The following CHD5 variants were observed in gnomAD, a reference collection of about 807,000 sequenced individuals.
CHD5 encodes chromodomain helicase DNA binding protein 5.
In CHD5, 69 loss-of-function variants were observed where a neutral mutation model predicts 230.3. That is an observed-to-expected ratio of 0.30 (90% CI 0.25 to 0.37). The LOEUF (loss-of-function observed/expected upper bound fraction) is 0.37, where lower values mean the gene tolerates loss of function less well. Ranked by LOEUF, CHD5 falls within the 10% of genes least tolerant of loss-of-function variation. The pLI is 1.00. For synonymous variants in CHD5, 1,064 were observed against 1,065.9 expected (o/e 1.00, Z 0.03); for missense variants, 1,827 against 2,622.8 (o/e 0.70, Z 6.63).
chr1:6,119,219 C>T (rs1666426645), intron 33 of CHD5, among the ~76,000 whole-genome samples: 1 of 152,056 alleles, frequency 6.6e-6, no homozygotes, highest in African/African-American at 2.4e-5. Flanking sequence ...CGACCTCAGC[C>T]TCCCAAGTAG....
At chr1:6,124,235 C>T in intron 30 of CHD5, 128 bp from the exon 31 acceptor site, 2 of 908,298 alleles carry the variant, frequency 2.2e-6, no homozygotes, top group South Asian at 3.5e-5. Flanking sequence ...TACCTCCGCC[C>T]AAGGCTGGCC....
At chr1:6,133,112 A>C (rs193083494) in intron 20 of CHD5, among the ~76,000 whole-genome samples, 17 of 152,090 alleles carry the variant, frequency 1.1e-4, no homozygotes, top group Non-Finnish European at 2.2e-4. Flanking sequence ...CTCAGCATTC[A>C]CTTTTGTATG....
Position 6,155,583 on chromosome 1 carries a change from C to T in CHD5, c.506+16G>A. 6.2e-7 allele frequency: 1 copy of T among 1,602,700 alleles called. No individual in the cohort carries two copies. The highest frequency in any genetic ancestry group is 8.5e-7 in the Non-Finnish European group (1 of 1,169,718). On this transcript the variant is annotated intron_variant, in intron 4 of 41. Coordinates refer to ENST00000262450, the MANE Select transcript of CHD5 (RefSeq NM_015557.3). This position sits in a 1 kb window ranked among gnomAD's most constrained non-coding sequence, Gnocchi z 4.0. ...GGATGTGCGGGCCTGGAGAACAGCCCTAGTGCCCCGCCCACCTGAGGAACT... is the reference window on the plus strand; with the variant it reads ...GGATGTGCGGGCCTGGAGAACAGCCTTAGTGCCCCGCCCACCTGAGGAACT...
intron 2 of CHD5, among the ~76,000 whole-genome samples, chr1:6,162,094 C>T (rs976600065): frequency 6.6e-6 from 1 of 151,952 alleles, no homozygotes; most frequent in Admixed American, 6.5e-5. Context: ...TAAGAAAATG[C>T]CTTGAGGCTG....
chr1:6,135,209 CG>C lies in CHD5; in HGVS notation c.2870+20del. ...GGGAAAGGGCGAGCACAGGCTGCTC[CG>C]GGGTCAGCCCATCACTCACTTCTGC... On this transcript the variant is annotated intron_variant, in intron 18 of 41. Coordinates refer to ENST00000262450, the MANE Select transcript of CHD5 (RefSeq NM_015557.3). 1 of 1,613,678 alleles carries C rather than the reference CG, an allele frequency of 6.2e-7. No homozygotes were observed. Among genetic ancestry groups the C allele is most frequent in the Non-Finnish European group, 8.5e-7 (1 of 1,179,844 alleles).
rs1036440063 is a variant in CHD5 at position 6,155,972 on chromosome 1, G to A, written c.388-255C>T. Among the ~76,000 whole-genome samples the A allele has an allele frequency of 1.3e-5, 2 of 152,228 alleles. No homozygotes were observed. The highest frequency in any genetic ancestry group is 4.8e-5 in the African/African-American group (2 of 41,462). On this transcript the variant is annotated intron_variant, in intron 3 of 41. Transcript: ENST00000262450. The surrounding 1 kb of genome is among the most constrained non-coding windows in gnomAD (Gnocchi z 4.0). ...GGCCAAGTGTTCGACGTCAGGGTTT[G>A]GGGAGAGGCCATGTGTGTGCCCTGA...
chr1:6,153,156 G>A (rs989572670), intron 5 of CHD5, among the ~76,000 whole-genome samples: 2 of 152,334 alleles, frequency 1.3e-5, no homozygotes, highest in Non-Finnish European at 2.9e-5. Context: ...TCCCCAGGCC[G>A]TCCTCTGGCC....
Position 6,142,588 on chromosome 1 carries a change from G to C in CHD5, c.2061C>G (p.Asp687Glu). Residue 687 changes from aspartate to glutamate, a missense_variant, in exon 14 of 42, where the codon GAC becomes GAG. Asp to Glu is a conservative substitution (Grantham distance 45, BLOSUM62 2). Transcript: ENST00000262450. The surrounding 1 kb of genome is among the most constrained non-coding windows in gnomAD (Gnocchi z 5.2). ...TPIVDPTVKF[D>E]KQPWYIDSTG... ...TGGAGTCGATGTACCATGGCTGCTTGTCGAACTTGACCGTGGGCTGCAGGG... is the reference window on the plus strand; with the variant it reads ...TGGAGTCGATGTACCATGGCTGCTTCTCGAACTTGACCGTGGGCTGCAGGG... The C allele has an allele frequency of 6.2e-7, 1 of 1,612,452 alleles. No individual in the cohort carries two copies. Among genetic ancestry groups the C allele is most frequent in the Non-Finnish European group, 8.5e-7 (1 of 1,179,306 alleles).
At chr1:6,133,999 G>C in intron 20 of CHD5, 129 bp downstream of exon 20, 1 of 871,956 alleles carries the variant, frequency 1.1e-6, no homozygotes, top group Non-Finnish European at 1.8e-6. Flanking sequence ...CTGACACACA[G>C]TCACATGACC....
chr1:6,122,825 G>A (rs554698222), intron 31 of CHD5, among the ~76,000 whole-genome samples: 6 of 152,208 alleles, frequency 3.9e-5, no homozygotes, highest in African/African-American at 4.8e-5. Flanking sequence ...ATCCCAGCAC[G>A]TTGGGAGGCC....
chr1:6,135,677 A>G (rs1666735194), intron 17 of CHD5, among the ~76,000 whole-genome samples: 1 of 152,190 alleles, frequency 6.6e-6, no homozygotes, highest in Admixed American at 6.5e-5. Flanking sequence ...ACTGACTCTG[A>G]TGAGTGCCCG....
At chr1:6,168,024 T>C in intron 2 of CHD5, 126 bp downstream of exon 2, 3 of 1,199,778 alleles carry the variant, frequency 2.5e-6, no homozygotes, top group Non-Finnish European at 3.5e-6. Context: ...GTGTTTTTCA[T>C]CAAACTCAGC....
intron 2 of CHD5, among the ~76,000 whole-genome samples, chr1:6,159,842 C>CG (rs1262477566): frequency 6.6e-6 from 1 of 152,264 alleles, no homozygotes; most frequent in Non-Finnish European, 1.5e-5. Context: ...AGCAGCCCTG[C>CG]GGGTGAACTC....
At chr1:6,157,273 C>G (rs1197599872) in intron 3 of CHD5, among the ~76,000 whole-genome samples, 1 of 152,250 alleles carries the variant, frequency 6.6e-6, no homozygotes, top group African/African-American at 2.4e-5. Context: ...TGCCTGCATA[C>G]CTGGACATGG....
chr1:6,108,235 G>A (rs1666228010), intron 38 of CHD5, among the ~76,000 whole-genome samples: 1 of 149,112 alleles, frequency 6.7e-6, no homozygotes, highest in African/African-American at 2.5e-5. Flanking sequence ...CGGGTGGAAG[G>A]ATGGAGGGAT....
intron 38 of CHD5, among the ~76,000 whole-genome samples, chr1:6,109,552 CGGG>C (rs1256201400): frequency 6.6e-6 from 1 of 152,198 alleles, no homozygotes; most frequent in East Asian, 1.9e-4. Context: ...TAGCCCGGGC[CGGG>C]GCCCGCACAG....
Position 6,134,692 on chromosome 1 carries a change from C to G in CHD5, c.3012+26G>C, listed in dbSNP as rs1473504714. On this transcript the variant is annotated intron_variant, in intron 19 of 41. Coordinates refer to ENST00000262450, the MANE Select transcript of CHD5 (RefSeq NM_015557.3). This position sits in a 1 kb window ranked among gnomAD's most constrained non-coding sequence, Gnocchi z 6.3. ...ACCTACCATGGCGGTCATGGAGAAG[C>G]TGCCATGATGGCCGGGGAAACCTAC... 1 of 1,612,988 alleles carries G rather than the reference C, an allele frequency of 6.2e-7. No individual in the cohort carries two copies. The highest frequency in any genetic ancestry group is 1.1e-5 in the South Asian group (1 of 91,052).
At chr1:6,119,490 A>G (rs2100838080) in intron 33 of CHD5, among the ~76,000 whole-genome samples, 1 of 152,306 alleles carries the variant, frequency 6.6e-6, no homozygotes, top group East Asian at 1.9e-4. Flanking sequence ...AATATTAAAA[A>G]CCTGAACAAA....
In CHD5 at chr1:6,131,937, A is replaced by G. The variant is rs915575571; in HGVS notation, c.3145-189T>C. The stretch of plus-strand genomic sequence containing the variant: ...CTTCCAACCTCACCCCTTGGAGCCA[A>G]TCCATCCTCCTGCCTAGCCCCACAG... On this transcript the variant is annotated intron_variant, in intron 20 of 41. Transcript: ENST00000262450. This position sits in a 1 kb window ranked among gnomAD's most constrained non-coding sequence, Gnocchi z 5.0. Among the ~76,000 whole-genome samples, 1 of 152,118 alleles carries G rather than the reference A, an allele frequency of 6.6e-6. No individual in the cohort carries two copies. The highest frequency in any genetic ancestry group is 6.5e-5 in the Admixed American group (1 of 15,278).
Sources: allele counts gnomAD v4.1 joint callset (sites outside exome capture counted in the v4.1 genomes callset), GRCh38; gene constraint gnomAD v4.1.1; non-coding constraint Gnocchi (gnomAD v3.1); transcripts MANE v1.5; gene names NCBI Gene and HGNC (gene_info 2026-07-23, HGNC 2026-07-21).